The following ANKFN1 variants were observed in gnomAD, a reference collection of about 807,000 sequenced individuals.
ANKFN1 encodes the protein ankyrin repeat and fibronectin type-III domain-containing protein 1.
ANKFN1 carries 74 observed loss-of-function variants against 108.7 expected under a neutral mutation model. The ratio of observed to expected loss-of-function variants is 0.68; its 90% CI spans 0.56 to 0.83. The LOEUF (loss-of-function observed/expected upper bound fraction) is 0.83. ANKFN1 is among the 40% of genes least tolerant of loss of function. The pLI, the probability that ANKFN1 is intolerant of heterozygous loss-of-function variation, is 0.00. For synonymous variants in ANKFN1, 547 were observed against 516.2 expected, an observed-to-expected ratio of 1.06 and a Z score of -0.81; for missense variants, 1,505 against 1,382.3, an observed-to-expected ratio of 1.09 and a Z score of -1.41.
At chr17:56,228,218 G>T in intron 3 of ANKFN1, 1 of 385,044 alleles carries the variant, frequency 2.6e-6, no homozygotes, top group Non-Finnish European at 4.6e-6. Context: ...AAAAAAATAG[G>T]CAATATTCAT....
At chr17:56,380,095 A>G (rs893630873) in intron 8 of ANKFN1, among the ~76,000 whole-genome samples, 3 of 152,230 alleles carry the variant, frequency 2.0e-5, no homozygotes, top group Admixed American at 6.5e-5. Context: ...AATCTCATCC[A>G]TGAGCTGTCT....
In ANKFN1 at chr17:56,516,803, A is replaced by T. The variant is rs575254886; in HGVS notation, c.*5534A>T. Among the ~76,000 whole-genome samples, 1 of 152,348 alleles carries T rather than the reference A, an allele frequency of 6.6e-6. No homozygotes were observed. The highest frequency in any genetic ancestry group is 1.9e-4 in the East Asian group (1 of 5,188). On this transcript the variant is annotated 3_prime_UTR_variant, in exon 21 of 21. Transcript: ENST00000682825. ...TTTCAAGAAAAATTGTCGACAGAAG[A>T]AATCTAAGCTATCAGAGGGAATGAC...
chr17:56,221,143 T>C (rs115493860), intron 2 of ANKFN1, among the ~76,000 whole-genome samples: 137 of 152,084 alleles, frequency 9.0e-4, no homozygotes, highest in African/African-American at 2.7e-3. Flanking sequence ...AGCATAAAGA[T>C]GCCACACACT....
intron 3 of ANKFN1, among the ~76,000 whole-genome samples, chr17:56,292,527 G>T (rs113223816): frequency 0.012 from 1,823 of 152,248 alleles, 12 homozygotes; most frequent in South Asian, 0.035. Flanking sequence ...TGGGTCTCCA[G>T]GTGGTCCTAC....
intron 3 of ANKFN1, among the ~76,000 whole-genome samples, chr17:56,256,798 A>G (rs965605967): frequency 2.6e-5 from 4 of 152,218 alleles, no homozygotes; most frequent in Admixed American, 1.3e-4. Context: ...CCATACATCT[A>G]GAAAGTGACT....
intron 3 of ANKFN1, among the ~76,000 whole-genome samples, chr17:56,286,294 A>G (rs1248437273): frequency 6.6e-6 from 1 of 152,178 alleles, no homozygotes; most frequent in Non-Finnish European, 1.5e-5. Flanking sequence ...CTATTGCTGC[A>G]TAACAAACCA....
chr17:56,237,408 G>A (rs1917235520), intron 3 of ANKFN1, among the ~76,000 whole-genome samples: 1 of 152,040 alleles, frequency 6.6e-6, no homozygotes, highest in African/African-American at 2.4e-5. Context: ...AATTCATCTA[G>A]TCCTGCCCTT....
intron 18 of ANKFN1, chr17:56,482,730 C>T: frequency 4.3e-6 from 2 of 468,516 alleles, no homozygotes; most frequent in East Asian, 7.1e-5. Flanking sequence ...TGAAACCTAG[C>T]AAAGGCCCAA....
chr17:56,055,506 A>C (rs1386525688), intron 4 of ANKFN1, among the ~76,000 whole-genome samples: 1 of 124,980 alleles, frequency 8.0e-6, no homozygotes, highest in Non-Finnish European at 1.7e-5. Flanking sequence ...GTGTGTATGT[A>C]TGTCTGTGTG....
chr17:56,218,783 T>C (rs1263049551), intron 2 of ANKFN1, among the ~76,000 whole-genome samples: 1 of 152,222 alleles, frequency 6.6e-6, no homozygotes, highest in Non-Finnish European at 1.5e-5. Context: ...ATACCCAATA[T>C]TAGAATATTA....
intron 3 of ANKFN1, among the ~76,000 whole-genome samples, chr17:56,240,457 T>C (rs911896910): frequency 1.3e-5 from 2 of 152,084 alleles, no homozygotes; most frequent in African/African-American, 4.8e-5. Context: ...GGTGAAAAAT[T>C]AGGTTGTTGC....
intron 7 of ANKFN1, among the ~76,000 whole-genome samples, chr17:56,373,217 C>T (rs753832069): frequency 7.9e-5 from 12 of 152,206 alleles, no homozygotes; most frequent in Non-Finnish European, 1.6e-4. Flanking sequence ...CCAGTTTCTG[C>T]TCCAAGCTCA....
At chr17:56,315,372 G>A (rs1382972834) in intron 3 of ANKFN1, among the ~76,000 whole-genome samples, 1 of 152,214 alleles carries the variant, frequency 6.6e-6, no homozygotes, top group East Asian at 1.9e-4. Flanking sequence ...AGCCTTGGTT[G>A]TAGTTGTATT....
chr17:56,140,098 G>A (rs1159371057), intron 4 of ANKFN1, among the ~76,000 whole-genome samples: 1 of 152,156 alleles, frequency 6.6e-6, no homozygotes, highest in Non-Finnish European at 1.5e-5. Flanking sequence ...CAATCATCTC[G>A]AACTCAAAAC....
At chr17:56,364,345 G>A (rs917139160) in intron 6 of ANKFN1, among the ~76,000 whole-genome samples, 2 of 152,098 alleles carry the variant, frequency 1.3e-5, no homozygotes, top group Non-Finnish European at 2.9e-5. Flanking sequence ...TTAATAAATT[G>A]TATATTGATT....
chr17:56,312,354 TA>T (rs1240457050), intron 3 of ANKFN1, among the ~76,000 whole-genome samples: 7 of 152,216 alleles, frequency 4.6e-5, no homozygotes, highest in Admixed American at 1.3e-4. Flanking sequence ...CTATCTAGTC[TA>T]GACCCAGAGT....
At chr17:56,114,294 CA>C (rs1310144117) in intron 4 of ANKFN1, among the ~76,000 whole-genome samples, 4 of 152,084 alleles carry the variant, frequency 2.6e-5, no homozygotes, top group Admixed American at 6.6e-5. Flanking sequence ...AATGACACCT[CA>C]AGATAAAAAT....
rs1298861967 is a variant in ANKFN1 at position 56,409,721 on chromosome 17, A to G, written c.911-30606A>G. ...CCCAGACAGCTACATCATGATTATA[A>G]TACTCTTAATATGCCTAGCTTTTTT... is the stretch of plus-strand genomic sequence containing the variant. On this transcript the variant is annotated intron_variant, in intron 8 of 20. Coordinates refer to ENST00000682825, the MANE Select transcript of ANKFN1 (RefSeq NM_001370326.1). 2.0e-5 allele frequency among the ~76,000 whole-genome samples: 3 copies of G among 152,304 alleles called. No homozygotes were observed. In the East Asian group the frequency reaches 5.8e-4, roughly 29 times the overall value.
At chr17:56,445,229 G>A (rs559028900) in intron 10 of ANKFN1, among the ~76,000 whole-genome samples, 1 of 152,320 alleles carries the variant, frequency 6.6e-6, no homozygotes, top group East Asian at 1.9e-4. Context: ...GCTAGTCTCA[G>A]TTGACCTGAA....
Sources: allele counts gnomAD v4.1 joint callset (sites outside exome capture counted in the v4.1 genomes callset), GRCh38; gene constraint gnomAD v4.1.1; transcripts MANE v1.5; gene names NCBI Gene and HGNC (gene_info 2026-07-23, HGNC 2026-07-21).